Variants in CABCOCO1 observed in about 807,000 individuals in gnomAD.
CABCOCO1 encodes the protein ciliary associated calcium binding coiled-coil 1, also known as ciliary-associated calcium-binding coiled-coil protein 1.
A neutral mutation model predicts 35.7 loss-of-function variants in CABCOCO1; 28 were observed. The ratio of observed to expected loss-of-function variants is 0.78; its 90% CI spans 0.58 to 1.07. The LOEUF is 1.07. Ranked by LOEUF, CABCOCO1 falls within the 50% of genes least tolerant of loss-of-function variation. The pLI, the probability that CABCOCO1 is intolerant of heterozygous loss-of-function variation, is 0.00. For missense variants in CABCOCO1, 326 were observed against 309.2 expected (o/e 1.05, Z -0.41); for synonymous variants, 95 against 100.1 (o/e 0.95, Z 0.30).
chr10:61,731,442 A>G (rs1314746184), intron 5 of CABCOCO1, among the ~76,000 whole-genome samples: 1 of 151,956 alleles, frequency 6.6e-6, no homozygotes, highest in Non-Finnish European at 1.5e-5. Context: ...GATGAAACCC[A>G]CATAAAATCC....
intron 5 of CABCOCO1, among the ~76,000 whole-genome samples, chr10:61,738,633 C>G (rs1841477997): frequency 6.6e-6 from 1 of 152,014 alleles, no homozygotes; most frequent in Non-Finnish European, 1.5e-5. Context: ...ATTTTGTCTT[C>G]TCAAAAAAAT....
intron 5 of CABCOCO1, among the ~76,000 whole-genome samples, chr10:61,737,471 T>C (rs550862024): frequency 1.3e-5 from 2 of 152,262 alleles, no homozygotes; most frequent in South Asian, 4.1e-4. Flanking sequence ...CCCAGAGGAA[T>C]ATAAAGCATT....
intron 5 of CABCOCO1, among the ~76,000 whole-genome samples, chr10:61,710,586 T>C (rs1664467214): frequency 1.3e-5 from 2 of 152,108 alleles, no homozygotes. Context: ...GTTTCAGCTC[T>C]GATGGACTAT....
chr10:61,693,895 T>C (rs890442409), intron 5 of CABCOCO1, among the ~76,000 whole-genome samples: 6 of 151,936 alleles, frequency 3.9e-5, no homozygotes, highest in Admixed American at 1.3e-4. Context: ...GGTGAACCTA[T>C]AGATTAAAAA....
chr10:61,760,145 C>T lies in CABCOCO1; in HGVS notation c.639C>T (p.Phe213=). The change falls in exon 6 of 8, where the codon TTC becomes TTT. Residue 213 remains phenylalanine (F), a synonymous_variant. Transcript: ENST00000648843. Reference sequence around the variant, plus strand: ...TCTCATTTGATATTTATTCAACATTCATAGAGCCCCCCACAATATTGGATA... The same window carrying T: ...TCTCATTTGATATTTATTCAACATTTATAGAGCCCCCCACAATATTGGATA... ...EGISFDIYST[F]IEPPTILDTE... 1.2e-6 allele frequency: 2 copies of T among 1,611,964 alleles called. No individual in the cohort carries two copies. The highest frequency in any genetic ancestry group is 1.7e-6 in the Non-Finnish European group (2 of 1,178,412).
chr10:61,718,286 A>G (rs1840916287), intron 5 of CABCOCO1, among the ~76,000 whole-genome samples: 1 of 152,130 alleles, frequency 6.6e-6, no homozygotes, highest in Non-Finnish European at 1.5e-5. Flanking sequence ...ATTATGATGT[A>G]TGTAGGTGTT....
chr10:61,714,131 A>G (rs892577553), intron 5 of CABCOCO1, among the ~76,000 whole-genome samples: 11 of 152,130 alleles, frequency 7.2e-5, no homozygotes, highest in Admixed American at 1.3e-4. Flanking sequence ...CTGTGAATCC[A>G]TCTTGTCCTG....
chr10:61,766,527 A>G lies in CABCOCO1; in HGVS notation c.*514A>G, dbSNP rs1842114606. ...TGAGGTTTTTTTTTTTTTTACTGAA[A>G]TCATTTGGTTTTCTTATTTAAACGT... is the stretch of plus-strand genomic sequence containing the variant. On this transcript the variant is annotated 3_prime_UTR_variant, in exon 8 of 8. Coordinates refer to ENST00000648843, the MANE Select transcript of CABCOCO1 (RefSeq NM_001366906.2). The G allele has an allele frequency of 1.3e-5, 2 of 151,870 alleles. No individual in the cohort carries two copies. The highest frequency in any genetic ancestry group is 1.9e-4 in the East Asian group (1 of 5,172). The allele number at this position is 151,870 out of a possible 1,614,324, so 9.4% of individuals were successfully genotyped here.
intron 5 of CABCOCO1, among the ~76,000 whole-genome samples, chr10:61,707,794 T>G (rs1840630080): frequency 6.6e-6 from 1 of 152,130 alleles, no homozygotes; most frequent in African/African-American, 2.4e-5. Flanking sequence ...CTTGAATGAA[T>G]GTACTCTGCA....
rs376043113 is a variant in CABCOCO1, at chr10:61,697,824, G to A, written c.552+7203G>A. Among the ~76,000 whole-genome samples, 41 of 152,070 alleles carry A rather than the reference G, an allele frequency of 2.7e-4. No individual in the cohort carries two copies. The South Asian group carries it at 7.5e-3, about 28-fold the overall frequency. On this transcript the variant is annotated intron_variant, in intron 5 of 7. Transcript: ENST00000648843. ...GACTTCATCTGGGTTTTTACAAGACGAAAGGCTGCATAGGAAAAAATACGT... is the reference window on the plus strand; with the variant it reads ...GACTTCATCTGGGTTTTTACAAGACAAAAGGCTGCATAGGAAAAAATACGT...
At chr10:61,740,940 A>G (rs1841536312) in intron 5 of CABCOCO1, among the ~76,000 whole-genome samples, 1 of 152,160 alleles carries the variant, frequency 6.6e-6, no homozygotes, top group Admixed American at 6.5e-5. Flanking sequence ...TGAGGTCAGC[A>G]GTTCGAGACC....
intron 5 of CABCOCO1, among the ~76,000 whole-genome samples, chr10:61,710,816 A>G (rs1840717540): frequency 6.6e-6 from 1 of 151,858 alleles, no homozygotes; most frequent in African/African-American, 2.4e-5. Context: ...GGCCAGGATC[A>G]AGAGGACAAG....
chr10:61,693,170 A>G, intron 5 of CABCOCO1, among the ~76,000 whole-genome samples: 1 of 152,060 alleles, frequency 6.6e-6, no homozygotes, highest in Admixed American at 6.6e-5. Flanking sequence ...ATAAAAAAAA[A>G]TCTTTAAGAG....
chr10:61,686,282 A>G, intron 4 of CABCOCO1, 97 bp downstream of exon 4: 2 of 1,058,446 alleles, frequency 1.9e-6, no homozygotes, highest in Non-Finnish European at 2.6e-6. Context: ...AGATTCAGAT[A>G]TTTACAGAAT....
rs139827122 is a variant in CABCOCO1 at position 61,727,257 on chromosome 10, T to C, written c.553-32802T>C. On this transcript the variant is annotated intron_variant, in intron 5 of 7. Coordinates refer to ENST00000648843, the MANE Select transcript of CABCOCO1 (RefSeq NM_001366906.2). ...TACTTCTACAACCAACAAAAAAAAA[T>C]CATAATCTCTATACCTACACTAATA... 4.5e-3 allele frequency among the ~76,000 whole-genome samples: 692 copies of C among 152,104 alleles called. 9 individuals carry two copies. Among genetic ancestry groups the C allele is most frequent in the African/African-American group, 0.016 (644 of 41,426 alleles).
At chr10:61,677,843 G>C (rs1057413050) in intron 2 of CABCOCO1, among the ~76,000 whole-genome samples, 34 of 92,260 alleles carry the variant, frequency 3.7e-4, no homozygotes, top group Non-Finnish European at 5.2e-4. Flanking sequence ...TTTTGTCCTT[G>C]CAGCTTGTCT....
intron 1 of CABCOCO1, chr10:61,663,280 TA>T (rs1279840078): frequency 6.5e-6 from 1 of 154,682 alleles, no homozygotes; most frequent in Non-Finnish European, 1.5e-5. Flanking sequence ...CCAGCGGGTC[TA>T]AATGTATGAA....
At chr10:61,762,178 T>A (rs1194040453) in intron 7 of CABCOCO1, among the ~76,000 whole-genome samples, 2 of 152,124 alleles carry the variant, frequency 1.3e-5, no homozygotes, top group Non-Finnish European at 2.9e-5. Context: ...CCTACAGCTC[T>A]GAAATTATTG....
chr10:61,740,714 C>T (rs1171408069), intron 5 of CABCOCO1, among the ~76,000 whole-genome samples: 1 of 151,916 alleles, frequency 6.6e-6, no homozygotes, highest in African/African-American at 2.4e-5. Context: ...GACTTATTTA[C>T]TGAGAACTGA....
Sources: gnomAD v4.1 joint callset for allele counts (sites outside exome capture counted in the v4.1 genomes callset) on GRCh38, gnomAD v4.1.1 for gene constraint, MANE v1.5 for transcripts, NCBI Gene and HGNC (gene_info 2026-07-23, HGNC 2026-07-21) for gene names.